TRAPPC8: variants seen among roughly 807,000 people sequenced by gnomAD.
TRAPPC8 encodes trafficking protein particle complex subunit 8.
TRAPPC8 carries 54 observed loss-of-function variants against 174.3 expected under a neutral mutation model. The observed-to-expected ratio is 0.31, with a 90% CI of 0.25 to 0.39. TRAPPC8 has a LOEUF of 0.39. Among genes scored for constraint, TRAPPC8 ranks in the 10% least tolerant of loss-of-function variants. TRAPPC8 has a pLI of 1.00. For synonymous variants in TRAPPC8, 630 were observed against 579.9 expected (o/e 1.09, Z -1.24); for missense variants, 1,531 against 1,699.1 (o/e 0.90, Z 1.74).
At chr18:31,848,782 C>T (rs911462832) in intron 25 of TRAPPC8, among the ~76,000 whole-genome samples, 3 of 152,108 alleles carry the variant, frequency 2.0e-5, no homozygotes, top group Admixed American at 1.3e-4. Context: ...CTTAATTTTA[C>T]TGCAGAATAA....
chr18:31,882,396 A>G (rs2035499136), intron 12 of TRAPPC8, among the ~76,000 whole-genome samples: 1 of 152,132 alleles, frequency 6.6e-6, no homozygotes, highest in Non-Finnish European at 1.5e-5. Flanking sequence ...AGTGGGAGCT[A>G]AACAATGGGC....
intron 14 of TRAPPC8, among the ~76,000 whole-genome samples, chr18:31,871,479 TA>T (rs995481676): frequency 0.011 from 1,695 of 148,370 alleles, 29 homozygotes; most frequent in African/African-American, 0.039. Context: ...ATATTTTTAA[TA>T]AAAAAAAAAC....
In TRAPPC8 at chr18:31,870,515, A is replaced by T; in HGVS notation, c.2258-13T>A. ...ACTGTAATTGGTTCTATTAAAAAAA[A>T]GGCCTAAATTAATAACTTTAATAAA... On this transcript the variant is annotated splice_polypyrimidine_tract_variant and intron_variant, in intron 15 of 28. Transcript: ENST00000283351. 6.3e-7 allele frequency: 1 copy of T among 1,596,862 alleles called. No homozygotes were observed. Among genetic ancestry groups the T allele is most frequent in the Non-Finnish European group, 8.5e-7 (1 of 1,174,588 alleles).
chr18:31,895,810 AAT>A (rs1340677883), intron 11 of TRAPPC8: 2 of 152,234 alleles, frequency 1.3e-5, no homozygotes, highest in Non-Finnish European at 1.5e-5. Flanking sequence ...CAGCTCTACA[AAT>A]AGTTTGTCTG....
At chr18:31,847,380 A>G (rs2033464309) in intron 25 of TRAPPC8, among the ~76,000 whole-genome samples, 1 of 152,106 alleles carries the variant, frequency 6.6e-6, no homozygotes, top group Non-Finnish European at 1.5e-5. Context: ...CTCTCTCTTC[A>G]ATTGCTTCTG....
At chr18:31,926,698 A>C (rs2037630474) in intron 2 of TRAPPC8, 1 of 152,200 alleles carries the variant, frequency 6.6e-6, no homozygotes, top group South Asian at 2.1e-4. Flanking sequence ...AAGTGCTGGG[A>C]TTACAGGCGT....
intron 27 of TRAPPC8, among the ~76,000 whole-genome samples, chr18:31,835,560 A>G (rs1363546262): frequency 1.3e-5 from 2 of 152,152 alleles, no homozygotes; most frequent in African/African-American, 4.8e-5. Context: ...TCCCTAACAT[A>G]ATACTCGGTC....
intron 2 of TRAPPC8, among the ~76,000 whole-genome samples, chr18:31,929,362 C>CA (rs1251139881): frequency 3.3e-5 from 5 of 151,494 alleles, no homozygotes; most frequent in Non-Finnish European, 5.9e-5. Context: ...CCTGTCTCTA[C>CA]AAAAAAATTT....
At chr18:31,911,705 C>T (rs1030649398) in intron 5 of TRAPPC8, among the ~76,000 whole-genome samples, 16 of 141,070 alleles carry the variant, frequency 1.1e-4, no homozygotes, top group Admixed American at 7.8e-4. Flanking sequence ...TGCAGTGAGC[C>T]GAGATCATGC....
intron 8 of TRAPPC8, 47 bp from the exon 9 acceptor site, chr18:31,907,657 C>A (rs2036724000): frequency 6.9e-7 from 1 of 1,443,078 alleles, no homozygotes; most frequent in Non-Finnish European, 9.3e-7. Context: ...CCCCCCAAAC[C>A]ATTAAAATTA....
chr18:31,874,245 T>A, intron 13 of TRAPPC8: 1 of 487,778 alleles, frequency 2.1e-6, no homozygotes, highest in Non-Finnish European at 3.6e-6. Flanking sequence ...TTTAAGATTC[T>A]AAGAACAGCC....
At chr18:31,874,224 T>G in intron 13 of TRAPPC8, 4 of 479,386 alleles carry the variant, frequency 8.3e-6, no homozygotes, top group Non-Finnish European at 1.5e-5. Flanking sequence ...ACCTGTGGAA[T>G]CTTTTTTTTT....
At chr18:31,881,953 T>C (rs1348192326) in intron 12 of TRAPPC8, among the ~76,000 whole-genome samples, 1 of 152,078 alleles carries the variant, frequency 6.6e-6, no homozygotes, top group Non-Finnish European at 1.5e-5. Flanking sequence ...CAGTTTAGAA[T>C]GGCTATTTTA....
In TRAPPC8 at chr18:31,871,067, A is replaced by ATT; in HGVS notation, c.2114_2115dup (p.Ser706AsnfsTer21). 1 of 1,603,862 alleles carries ATT rather than the reference A, an allele frequency of 6.2e-7. No homozygotes were observed. The highest frequency in any genetic ancestry group is 8.5e-7 in the Non-Finnish European group (1 of 1,173,810). On this transcript the variant is annotated frameshift_variant, in exon 15 of 29. Coordinates refer to ENST00000283351, the MANE Select transcript of TRAPPC8 (RefSeq NM_014939.5). LOFTEE classifies it high-confidence loss of function. Reference sequence around the variant, plus strand: ...TCAAGTTCTCGCCACTGCTGAGAGGATTCAGAATCATATTCTTGATCAAGA... The same window carrying ATT: ...TCAAGTTCTCGCCACTGCTGAGAGGATTTTCAGAATCATATTCTTGATCAAGA...
chr18:31,941,809 C>G (rs912120448), intron 1 of TRAPPC8, among the ~76,000 whole-genome samples: 14 of 152,134 alleles, frequency 9.2e-5, no homozygotes, highest in Admixed American at 7.2e-4. Context: ...TTGTTGTTTG[C>G]AAGATATTGG....
Position 31,849,737 on chromosome 18 carries a change from T to C in TRAPPC8, c.3564A>G (p.Ile1188Met), listed in dbSNP as rs765251910. The change falls in exon 25 of 29, where the codon ATA becomes ATG. Residue 1188 changes from isoleucine to methionine, a missense_variant and splice_region_variant. Physicochemically the swap from Ile to Met is conservative, Grantham distance 10 (BLOSUM62 1). Coordinates refer to ENST00000283351, the MANE Select transcript of TRAPPC8 (RefSeq NM_014939.5). ...CTGCACATGGGCTTGCTGAACTTAT[T>C]ATCTGTTAAAAGAAAATCACTTGTG... is the stretch of plus-strand genomic sequence containing the variant. ...FADIIFGNEQIISSASPCADF... is the reference protein window; with the variant it reads ...FADIIFGNEQMISSASPCADF... 1.3e-6 allele frequency: 2 copies of C among 1,588,328 alleles called. No homozygotes were observed. Among genetic ancestry groups the C allele is most frequent in the African/African-American group, 2.7e-5 (2 of 73,346 alleles).
At chr18:31,922,873 C>T (rs968546406) in intron 2 of TRAPPC8, among the ~76,000 whole-genome samples, 13 of 151,854 alleles carry the variant, frequency 8.6e-5, no homozygotes, top group African/African-American at 2.9e-4. Context: ...CAAAATTAAC[C>T]GGGCATGGTA....
At chr18:31,847,798 G>A (rs1029692598) in intron 25 of TRAPPC8, among the ~76,000 whole-genome samples, 17 of 152,104 alleles carry the variant, frequency 1.1e-4, no homozygotes, top group African/African-American at 4.1e-4. Context: ...TTATGGCATT[G>A]AGCGACAGTC....
intron 26 of TRAPPC8, chr18:31,845,188 A>T (rs967838300): frequency 3.3e-5 from 5 of 149,780 alleles, no homozygotes; most frequent in South Asian, 2.1e-4. Flanking sequence ...CAAAAAAAAA[A>T]AAAATAAATA....
Sources: allele counts gnomAD v4.1 joint callset (sites outside exome capture counted in the v4.1 genomes callset), GRCh38; gene constraint gnomAD v4.1.1; transcripts MANE v1.5; gene names NCBI Gene and HGNC (gene_info 2026-07-23, HGNC 2026-07-21).